The following ATP8A2 variants were observed in gnomAD, a reference collection of about 807,000 sequenced individuals.
ATP8A2 encodes the protein phospholipid-transporting ATPase IB.
In ATP8A2, 100 loss-of-function variants were observed where a neutral mutation model predicts 165.6. That is an observed-to-expected ratio of 0.60 (90% CI 0.51 to 0.71). ATP8A2 has a LOEUF of 0.71. Ranked by LOEUF, ATP8A2 falls within the 30% of genes least tolerant of loss-of-function variation. The pLI is 0.00. For synonymous variants in ATP8A2, 543 were observed against 548.8 expected (o/e 0.99, Z 0.15); for missense variants, 1,227 against 1,479.5 (o/e 0.83, Z 2.80).
At chr13:25,699,828 C>T (rs1041472142) in intron 25 of ATP8A2, among the ~76,000 whole-genome samples, 2 of 151,868 alleles carry the variant, frequency 1.3e-5, no homozygotes, top group African/African-American at 2.4e-5. Flanking sequence ...GTAGGTTCTT[C>T]CCTTCCTGGG....
intron 27 of ATP8A2, among the ~76,000 whole-genome samples, chr13:25,779,710 T>C (rs993415267): frequency 2.0e-5 from 3 of 152,196 alleles, no homozygotes; most frequent in Non-Finnish European, 2.9e-5. Context: ...GGGGCATAGA[T>C]CATGCCATTA....
intron 1 of ATP8A2, among the ~76,000 whole-genome samples, chr13:25,395,818 C>T (rs7993340): frequency 0.037 from 5,659 of 151,584 alleles, 329 homozygotes; most frequent in African/African-American, 0.13. Context: ...ATTACAGGCA[C>T]GAGCCACTGT....
intron 33 of ATP8A2, among the ~76,000 whole-genome samples, chr13:25,935,859 A>G (rs1317777106): frequency 1.3e-5 from 2 of 152,216 alleles, no homozygotes; most frequent in Non-Finnish European, 2.9e-5. Flanking sequence ...GCATTATATT[A>G]AAAACTGCAC....
At chr13:25,427,222 T>A (rs762803705) in intron 1 of ATP8A2, among the ~76,000 whole-genome samples, 32 of 152,104 alleles carry the variant, frequency 2.1e-4, no homozygotes, top group Middle Eastern at 3.4e-3. Context: ...TCCTGTCAGA[T>A]CAGCGGCAGC....
In ATP8A2 at chr13:25,880,395, AGG is replaced by A. The variant is rs1593495370; in HGVS notation, c.3183+17988_3183+17989del. On this transcript the variant is annotated intron_variant, in intron 33 of 36. Transcript: ENST00000381655. ...GGAACAACAAAAAAAAAAAAAAAAAAGGAAGAGGGGAAAAATGTGATTAGTAT... is the reference window on the plus strand; with the variant it reads ...GGAACAACAAAAAAAAAAAAAAAAAAAAGAGGGGAAAAATGTGATTAGTAT... Among the ~76,000 whole-genome samples, 5 of 150,300 alleles carry A rather than the reference AGG, an allele frequency of 3.3e-5. No homozygotes were observed. In the East Asian group the frequency reaches 9.8e-4, roughly 29 times the overall value.
intron 33 of ATP8A2, among the ~76,000 whole-genome samples, chr13:25,880,283 G>T (rs1186417834): frequency 1.3e-5 from 2 of 151,504 alleles, no homozygotes; most frequent in East Asian, 1.9e-4. Context: ...CTATCTCTTG[G>T]CAAACTTTGC....
intron 33 of ATP8A2, among the ~76,000 whole-genome samples, chr13:25,906,475 C>G (rs999767893): frequency 1.3e-5 from 2 of 152,110 alleles, no homozygotes; most frequent in African/African-American, 4.8e-5. Context: ...CTTAGCAATT[C>G]CCAGCACCCC....
At chr13:25,514,485 C>T (rs1180402328) in intron 2 of ATP8A2, among the ~76,000 whole-genome samples, 1 of 152,080 alleles carries the variant, frequency 6.6e-6, no homozygotes, top group Non-Finnish European at 1.5e-5. Flanking sequence ...ACTCACTTTT[C>T]GGTGAAGGAC....
At position 25,769,124 on chromosome 13, in the gene ATP8A2, C is replaced by T. The variant is rs759374071; in HGVS notation, c.2463C>T (p.Asp821=). 89 of 1,614,072 alleles carry T rather than the reference C, an allele frequency of 5.5e-5. No homozygotes were observed. The highest frequency in any genetic ancestry group is 6.4e-5 in the Non-Finnish European group (76 of 1,179,976). ...AGGCCATCACCCTCGCCATCGGAGACGGCGCCAACGATGTCGGGATGATCC... is the reference window on the plus strand; with the variant it reads ...AGGCCATCACCCTCGCCATCGGAGATGGCGCCAACGATGTCGGGATGATCC... ...RVKAITLAIG[D]GANDVGMIQT... The change falls in exon 26 of 37, where the codon GAC becomes GAT. Residue 821 remains aspartate, a synonymous_variant. Transcript: ENST00000381655.
At chr13:25,747,846 G>A (rs1172240655) in intron 25 of ATP8A2, among the ~76,000 whole-genome samples, 2 of 152,078 alleles carry the variant, frequency 1.3e-5, no homozygotes, top group African/African-American at 4.8e-5. Context: ...TGTTCTTCAG[G>A]GATGTAAAAT....
intron 24 of ATP8A2, among the ~76,000 whole-genome samples, chr13:25,625,819 C>A (rs1029015382): frequency 2.6e-5 from 4 of 152,062 alleles, no homozygotes; most frequent in Non-Finnish European, 5.9e-5. Flanking sequence ...TTTATTTAAT[C>A]CTCACAACAG....
intron 35 of ATP8A2, among the ~76,000 whole-genome samples, chr13:25,976,025 A>G (rs1488479340): frequency 6.6e-6 from 1 of 152,214 alleles, no homozygotes; most frequent in East Asian, 1.9e-4. Context: ...CAAGGTTCAC[A>G]CATAGCATTT....
intron 33 of ATP8A2, among the ~76,000 whole-genome samples, chr13:25,888,048 G>A (rs1373780164): frequency 2.0e-5 from 3 of 147,624 alleles, no homozygotes; most frequent in Non-Finnish European, 4.5e-5. Flanking sequence ...AGGCAAGGAG[G>A]CAGAAAGGAA....
At chr13:25,556,788 C>T (rs1388433224) in intron 13 of ATP8A2, among the ~76,000 whole-genome samples, 1 of 152,190 alleles carries the variant, frequency 6.6e-6, no homozygotes, top group Non-Finnish European at 1.5e-5. Context: ...TCGAAGGACA[C>T]CTGGTTATTC....
At position 25,489,088 on chromosome 13, in the gene ATP8A2, C is replaced by T. The variant is rs530740284; in HGVS notation, c.221+19967C>T. Reference sequence around the variant, plus strand: ...GCGCTGGTTCAGTCTCTCGTGTCTCCACCTGTGACAGAGTTTCCCTTTCAC... The same window carrying T: ...GCGCTGGTTCAGTCTCTCGTGTCTCTACCTGTGACAGAGTTTCCCTTTCAC... On this transcript the variant is annotated intron_variant, in intron 2 of 36. Transcript: ENST00000381655. Among the ~76,000 whole-genome samples, 9 of 152,138 alleles carry T rather than the reference C, an allele frequency of 5.9e-5. No individual in the cohort carries two copies. The South Asian group carries it at 1.9e-3, about 32-fold the overall frequency.
chr13:25,519,206 C>T (rs2037579167), intron 2 of ATP8A2, among the ~76,000 whole-genome samples: 1 of 152,266 alleles, frequency 6.6e-6, no homozygotes, highest in Middle Eastern at 3.4e-3. Flanking sequence ...GCTCCTTCAC[C>T]TCCTTCAGGG....
intron 25 of ATP8A2, among the ~76,000 whole-genome samples, chr13:25,709,146 C>T (rs2043110566): frequency 6.6e-6 from 1 of 152,188 alleles, no homozygotes; most frequent in South Asian, 2.1e-4. Flanking sequence ...ACCCCCTCCC[C>T]AACCGTCCCA....
At chr13:25,506,961 A>ATATATATC (rs569215571) in intron 2 of ATP8A2, among the ~76,000 whole-genome samples, 16 of 145,276 alleles carry the variant, frequency 1.1e-4, no homozygotes, top group Non-Finnish European at 1.8e-4. Flanking sequence ...ATATATATAT[A>ATATATATC]TCTTATTTTA....
rs144347631 is a variant in ATP8A2, at chr13:25,953,338, C to CG, written c.3184-8230dup. Among the ~76,000 whole-genome samples the CG allele has an allele frequency of 1.2e-4, 18 of 151,450 alleles. No homozygotes were observed. In the South Asian group the frequency reaches 2.5e-3, roughly 21 times the overall value. ...TAAATTTTCTTCTGTAAAATGGGGA[C>CG]GGGGGGGATTAAATAAAATGCTTTA... On this transcript the variant is annotated intron_variant, in intron 33 of 36. Coordinates refer to ENST00000381655, the MANE Select transcript of ATP8A2 (RefSeq NM_016529.6). This position sits in a 1 kb window ranked among gnomAD's most constrained non-coding sequence, Gnocchi z 6.7.
Sources: allele counts gnomAD v4.1 joint callset (sites outside exome capture counted in the v4.1 genomes callset), GRCh38; gene constraint gnomAD v4.1.1; non-coding constraint Gnocchi (gnomAD v3.1); transcripts MANE v1.5; gene names NCBI Gene and HGNC (gene_info 2026-07-23, HGNC 2026-07-21).